CYP2C19: variants seen among roughly 807,000 people sequenced by gnomAD.
CYP2C19 encodes cytochrome P450 2C19.
In CYP2C19, 59 loss-of-function variants were observed where a neutral mutation model predicts 40.9. The observed-to-expected ratio is 1.44, with a 90% confidence interval of 1.17 to 1.79. The LOEUF (loss-of-function observed/expected upper bound fraction) is 1.79, where lower values mean the gene tolerates loss of function less well. Ranked by LOEUF, CYP2C19 falls within the 40% of genes most tolerant of loss-of-function variation. The pLI is 0.00. For missense variants in CYP2C19, 754 were observed against 596.9 expected (o/e 1.26, Z -2.74); for synonymous variants, 253 against 208.7 (o/e 1.21, Z -1.83).
intron 6 of CYP2C19, among the ~76,000 whole-genome samples, chr10:94,828,410 T>G (rs1849267417): frequency 6.6e-6 from 1 of 150,614 alleles, no homozygotes; most frequent in African/African-American, 2.5e-5. Flanking sequence ...CCCTTTACCA[T>G]TATGTAATGG....
At chr10:94,784,079 C>A (rs1345052332) in intron 5 of CYP2C19, among the ~76,000 whole-genome samples, 1 of 152,138 alleles carries the variant, frequency 6.6e-6, no homozygotes, top group African/African-American at 2.4e-5. Flanking sequence ...CCCACTCCAT[C>A]ATGTAATAAC....
intron 1 of CYP2C19, among the ~76,000 whole-genome samples, chr10:94,771,412 G>A (rs1341693666): frequency 1.3e-5 from 2 of 152,082 alleles, no homozygotes; most frequent in Non-Finnish European, 2.9e-5. Flanking sequence ...TGAAAAGAAA[G>A]CTTGGATATA....
At chr10:94,778,786 C>T (rs1389497552) in intron 3 of CYP2C19, among the ~76,000 whole-genome samples, 3 of 152,126 alleles carry the variant, frequency 2.0e-5, no homozygotes, top group Non-Finnish European at 2.9e-5. Flanking sequence ...GGGCTATAAA[C>T]CATTCTACTA....
At chr10:94,808,050 T>C (rs1335471004) in intron 5 of CYP2C19, among the ~76,000 whole-genome samples, 1 of 152,110 alleles carries the variant, frequency 6.6e-6, no homozygotes, top group Non-Finnish European at 1.5e-5. Context: ...TTGTAAATAA[T>C]GAGAGATAAA....
chr10:94,851,266 C>T (rs1425513996), intron 8 of CYP2C19, among the ~76,000 whole-genome samples: 2 of 151,736 alleles, frequency 1.3e-5, no homozygotes, highest in African/African-American at 4.8e-5. Flanking sequence ...AGAGGAAAGG[C>T]TACACACTTT....
chr10:94,762,760 A>G lies in CYP2C19; in HGVS notation c.55A>G (p.Ile19Val). The G allele has an allele frequency of 6.2e-7, 1 of 1,613,926 alleles. No individual in the cohort carries two copies. Among genetic ancestry groups the G allele is most frequent in the Non-Finnish European group, 8.5e-7 (1 of 1,179,922 alleles). The change falls in exon 1 of 9, where the codon ATC becomes GTC. Residue 19 changes from isoleucine to valine, a missense_variant. By Grantham distance (29) the Ile-to-Val change is conservative. Transcript: ENST00000371321. ...TCTCTCATGTTTGCTTCTCCTTTCA[A>G]TCTGGAGACAGAGCTCTGGGAGAGG... Reference protein sequence around the residue: ...LCLSCLLLLSIWRQSSGRGKL... With the variant: ...LCLSCLLLLSVWRQSSGRGKL...
intron 5 of CYP2C19, among the ~76,000 whole-genome samples, chr10:94,813,173 G>T (rs1246344796): frequency 6.6e-6 from 1 of 152,034 alleles, no homozygotes; most frequent in Non-Finnish European, 1.5e-5. Context: ...TCCAAACCTT[G>T]TTTGACTGGG....
At chr10:94,791,472 A>T (rs181872436) in intron 5 of CYP2C19, among the ~76,000 whole-genome samples, 137 of 152,196 alleles carry the variant, frequency 9.0e-4, no homozygotes, top group Non-Finnish European at 1.7e-3. Context: ...TGTCAAATTT[A>T]GACCTTTCCT....
rs150152656 is a variant in CYP2C19 at position 94,775,447 on chromosome 10, C to A, written c.389C>A (p.Thr130Lys). The change falls in exon 3 of 9, where the codon ACG (threonine) becomes AAG (lysine). Residue 130 changes from threonine to lysine, a missense_variant. Coordinates refer to ENST00000371321, the MANE Select transcript of CYP2C19 (RefSeq NM_000769.4). The part of the protein sequence containing the change: ...WKEIRRFSLM[T>K]LRNFGMGKRS... ...GAGATCCGGCGTTTCTCCCTCATGA[C>A]GCTGCGGAATTTTGGGATGGGGAAG... The A allele has an allele frequency of 4.3e-6, 7 of 1,614,020 alleles. No individual in the cohort carries two copies. Among genetic ancestry groups the A allele is most frequent in the East Asian group, 2.2e-5 (1 of 44,882 alleles).
At chr10:94,781,781 T>A (rs57752480) in intron 4 of CYP2C19, 40 bp from the exon 5 acceptor site, 7 of 1,141,736 alleles carry the variant, frequency 6.1e-6, no homozygotes, top group South Asian at 4.7e-5. Context: ...TATACCTTTA[T>A]TAAATGCTTT....
chr10:94,805,428 T>A (rs1194984136), intron 5 of CYP2C19, among the ~76,000 whole-genome samples: 1 of 152,166 alleles, frequency 6.6e-6, no homozygotes, highest in Non-Finnish European at 1.5e-5. Context: ...TTAAATTTTG[T>A]AAAAAATGTT....
intron 3 of CYP2C19, among the ~76,000 whole-genome samples, chr10:94,778,747 G>A (rs1268511822): frequency 6.6e-6 from 1 of 152,154 alleles, no homozygotes; most frequent in African/African-American, 2.4e-5. Context: ...ATTTGATCTA[G>A]CAATCCCATT....
intron 1 of CYP2C19, among the ~76,000 whole-genome samples, chr10:94,773,369 T>G (rs1029455804): frequency 6.6e-6 from 1 of 152,162 alleles, no homozygotes; most frequent in African/African-American, 2.4e-5. Context: ...TGGCCAGAGT[T>G]TCTTCCTTCT....
At chr10:94,846,511 C>T (rs1421453999) in intron 7 of CYP2C19, among the ~76,000 whole-genome samples, 2 of 152,114 alleles carry the variant, frequency 1.3e-5, no homozygotes, top group East Asian at 1.9e-4. Context: ...TATGGCATGA[C>T]ACTTTAAGAC....
chr10:94,842,792 T>C lies in CYP2C19; in HGVS notation c.962-45T>C, dbSNP rs754521997. The C allele has an allele frequency of 3.1e-6, 5 of 1,596,836 alleles. No homozygotes were observed. In the South Asian group the frequency reaches 3.3e-5, roughly 11 times the overall value. ...ACCCCTGAATTGCTAGAACAAATGT[T>C]CCATTTCTCTCCTTTTCCATCAGTT... On this transcript the variant is annotated intron_variant, in intron 6 of 8. Coordinates refer to ENST00000371321, the MANE Select transcript of CYP2C19 (RefSeq NM_000769.4).
intron 5 of CYP2C19, among the ~76,000 whole-genome samples, chr10:94,817,970 G>C (rs367933184): frequency 1.5e-5 from 2 of 130,542 alleles, no homozygotes; most frequent in African/African-American, 3.0e-5. Flanking sequence ...CCGAGATCCC[G>C]CCACTGCACT....
intron 6 of CYP2C19, among the ~76,000 whole-genome samples, chr10:94,836,335 A>G (rs886321910): frequency 6.6e-6 from 1 of 152,244 alleles, no homozygotes; most frequent in African/African-American, 2.4e-5. Context: ...TTACTCAGGT[A>G]TGCCACGGGT....
intron 5 of CYP2C19, among the ~76,000 whole-genome samples, chr10:94,787,336 A>G (rs1291624433): frequency 6.6e-6 from 1 of 151,902 alleles, no homozygotes; most frequent in African/African-American, 2.4e-5. Context: ...TTTTTAATGA[A>G]GTTATTTGTT....
intron 1 of CYP2C19, among the ~76,000 whole-genome samples, chr10:94,764,875 C>G (rs1300706307): frequency 1.3e-5 from 2 of 152,056 alleles, no homozygotes; most frequent in Non-Finnish European, 2.9e-5. Flanking sequence ...TTGCCTAACT[C>G]CAGAGGTTGG....
Sources: gnomAD v4.1 joint callset for allele counts (sites outside exome capture counted in the v4.1 genomes callset) on GRCh38, gnomAD v4.1.1 for gene constraint, MANE v1.5 for transcripts, NCBI Gene and HGNC (gene_info 2026-07-23, HGNC 2026-07-21) for gene names.